ATP8A2: variants seen among roughly 807,000 people sequenced by gnomAD.
The protein encoded by ATP8A2 is phospholipid-transporting ATPase IB.
In ATP8A2, 100 loss-of-function variants were observed where a neutral mutation model predicts 165.6. The ratio of observed to expected loss-of-function variants is 0.60; its 90% CI spans 0.51 to 0.71. ATP8A2 has a LOEUF of 0.71. Among genes scored for constraint, ATP8A2 ranks in the 30% least tolerant of loss-of-function variants. The pLI is 0.00. For synonymous variants in ATP8A2, 543 were observed against 548.8 expected, an observed-to-expected ratio of 0.99 and a Z score of 0.15; for missense variants, 1,227 against 1,479.5, an observed-to-expected ratio of 0.83 and a Z score of 2.80.
At chr13:25,489,234 A>T (rs191323349) in intron 2 of ATP8A2, among the ~76,000 whole-genome samples, 1 of 151,990 alleles carries the variant, frequency 6.6e-6, no homozygotes, top group African/African-American at 2.4e-5. Context: ...CTCTCGTTCT[A>T]TTCCCGGCTT....
At chr13:25,448,777 G>A (rs2035135799) in intron 1 of ATP8A2, among the ~76,000 whole-genome samples, 1 of 152,092 alleles carries the variant, frequency 6.6e-6, no homozygotes, top group South Asian at 2.1e-4. Flanking sequence ...AGCCTCCTGA[G>A]TAGCTGGGAA....
intron 33 of ATP8A2, among the ~76,000 whole-genome samples, chr13:25,923,413 A>G (rs1371722901): frequency 6.6e-6 from 1 of 152,244 alleles, no homozygotes; most frequent in African/African-American, 2.4e-5. Flanking sequence ...GCTAAGTGCT[A>G]AGAGCCTGAA....
chr13:25,994,761 T>A (rs1294802378), intron 35 of ATP8A2, among the ~76,000 whole-genome samples: 3 of 152,292 alleles, frequency 2.0e-5, no homozygotes, highest in Non-Finnish European at 2.9e-5. Flanking sequence ...TTGTTATATG[T>A]TGATGAATTG....
At chr13:25,561,644 A>C (rs966686985) in intron 15 of ATP8A2, among the ~76,000 whole-genome samples, 1 of 152,074 alleles carries the variant, frequency 6.6e-6, no homozygotes, top group African/African-American at 2.4e-5. Context: ...GTAACATAAT[A>C]TTTATCATTT....
chr13:25,596,811 A>G (rs1157417353), intron 24 of ATP8A2, among the ~76,000 whole-genome samples: 1 of 152,120 alleles, frequency 6.6e-6, no homozygotes, highest in East Asian at 1.9e-4. Context: ...GATTAGAGGG[A>G]AGATATATGT....
chr13:25,409,816 A>G (rs1306305897), intron 1 of ATP8A2, among the ~76,000 whole-genome samples: 3 of 152,104 alleles, frequency 2.0e-5, no homozygotes, highest in Middle Eastern at 3.2e-3. Flanking sequence ...TGGTTAGGGT[A>G]TAGTCTGACT....
chr13:25,557,516 G>T (rs997635617), intron 13 of ATP8A2, among the ~76,000 whole-genome samples: 1 of 152,074 alleles, frequency 6.6e-6, no homozygotes, highest in Non-Finnish European at 1.5e-5. Context: ...TCCGGGCTTG[G>T]TTAGTCTGTC....
intron 2 of ATP8A2, among the ~76,000 whole-genome samples, chr13:25,498,130 A>G (rs1566186930): frequency 6.6e-6 from 1 of 152,178 alleles, no homozygotes; most frequent in South Asian, 2.1e-4. Flanking sequence ...GGCAGGTGTC[A>G]TGCTCATTGT....
intron 25 of ATP8A2, among the ~76,000 whole-genome samples, chr13:25,728,633 C>T (rs918653027): frequency 2.6e-5 from 4 of 152,124 alleles, no homozygotes; most frequent in African/African-American, 9.7e-5. Context: ...TGTTAGCAGA[C>T]ATTTGAGATG....
At chr13:25,582,056 A>G in intron 23 of ATP8A2, 99 bp downstream of exon 23, 2 of 1,196,338 alleles carry the variant, frequency 1.7e-6, no homozygotes, top group East Asian at 2.5e-5. Context: ...TCATTGACAG[A>G]TGATGTTTTA....
intron 24 of ATP8A2, among the ~76,000 whole-genome samples, chr13:25,632,268 A>G (rs1395405150): frequency 6.6e-6 from 1 of 152,040 alleles, no homozygotes; most frequent in Non-Finnish European, 1.5e-5. Context: ...TTCACCACGT[A>G]GGCATGACTG....
chr13:25,793,163 A>G (rs778608809), intron 27 of ATP8A2, among the ~76,000 whole-genome samples: 3 of 152,228 alleles, frequency 2.0e-5, no homozygotes, highest in Non-Finnish European at 4.4e-5. Context: ...CAATTCCAAC[A>G]TCTGCCTTGT....
intron 1 of ATP8A2, among the ~76,000 whole-genome samples, chr13:25,384,413 C>T (rs922421285): frequency 2.6e-5 from 4 of 152,152 alleles, no homozygotes; most frequent in African/African-American, 9.7e-5. Flanking sequence ...GCCTTCCATG[C>T]ATTCTCCCTT....
At chr13:25,919,993 G>A (rs1014972376) in intron 33 of ATP8A2, among the ~76,000 whole-genome samples, 3 of 151,896 alleles carry the variant, frequency 2.0e-5, no homozygotes, top group African/African-American at 4.8e-5. Flanking sequence ...TCGCTATGTC[G>A]TCCAGGCTGG....
chr13:25,480,283 G>A (rs1377857658), intron 2 of ATP8A2, among the ~76,000 whole-genome samples: 2 of 149,978 alleles, frequency 1.3e-5, no homozygotes. Context: ...GGGGCGGCTG[G>A]CCGGGCGGGG....
chr13:25,779,118 TA>T (rs35128674), intron 27 of ATP8A2, among the ~76,000 whole-genome samples: 4,714 of 140,444 alleles, frequency 0.034, 191 homozygotes, highest in African/African-American at 0.11. Flanking sequence ...TTTAAGATGC[TA>T]AAAAAAAAAA....
chr13:25,976,870 C>G (rs1288795228), intron 35 of ATP8A2, among the ~76,000 whole-genome samples: 1 of 152,080 alleles, frequency 6.6e-6, no homozygotes, highest in East Asian at 1.9e-4. Flanking sequence ...CTCGCTGCAA[C>G]CTCTGCCTCC....
At position 25,574,860 on chromosome 13, in the gene ATP8A2, A is replaced by G. The variant is rs757702116; in HGVS notation, c.1712+3A>G. On this transcript the variant is annotated splice_donor_region_variant and intron_variant, in intron 19 of 36. Transcript: ENST00000381655. ...CTTAATGTCCTGGAATTTTCTAGGT[A>G]TGTTTCTCTTTCATACGTTTGAAAT... 2.0e-6 allele frequency: 3 copies of G among 1,490,248 alleles called. No individual in the cohort carries two copies. The highest frequency in any genetic ancestry group is 2.8e-6 in the Non-Finnish European group (3 of 1,069,460). The allele number at this position is 1,490,248 out of a possible 1,614,324, so 92.3% of individuals were successfully genotyped here.
chr13:25,839,684 G>A (rs527726955), intron 30 of ATP8A2, 60 bp downstream of exon 30: 1 of 1,418,108 alleles, frequency 7.1e-7, no homozygotes, highest in East Asian at 2.3e-5. Context: ...TGCTGCCTGT[G>A]TGTTCACAAT....
Sources: allele counts gnomAD v4.1 joint callset (sites outside exome capture counted in the v4.1 genomes callset), GRCh38; gene constraint gnomAD v4.1.1; transcripts MANE v1.5; gene names NCBI Gene and HGNC (gene_info 2026-07-23, HGNC 2026-07-21).